Variants in DMD observed in about 807,000 individuals in gnomAD.
DMD encodes mutant dystrophin.
A neutral mutation model predicts 330.1 loss-of-function variants in DMD; 63 were observed. The ratio of observed to expected loss-of-function variants is 0.19; its 90% confidence interval spans 0.16 to 0.24. DMD has a LOEUF of 0.24. DMD is among the 10% of genes least tolerant of loss of function. The pLI is 1.00. For missense variants in DMD, 3,344 were observed against 2,684.1 expected (o/e 1.25, Z -5.43); for synonymous variants, 1,223 against 959.8 (o/e 1.27, Z -5.07).
chrX:32,899,118 A>T (rs1183479464), intron 2 of DMD, among the ~76,000 whole-genome samples: 2 of 112,158 alleles, frequency 1.8e-5, no homozygotes, highest in Non-Finnish European at 3.8e-5. Flanking sequence ...ACATTCTGAC[A>T]TGGACACTGC....
At chrX:32,214,203 GCCTGAAACA>G (rs1324692260) in intron 44 of DMD, among the ~76,000 whole-genome samples, 3 of 95,416 alleles carry the variant, frequency 3.1e-5, no homozygotes, top group African/African-American at 1.2e-4. Flanking sequence ...TTAATCTCCT[GCCTGAAACA>G]CCTGAAACAC....
At chrX:31,382,500 C>T (rs2060232348) in intron 60 of DMD, among the ~76,000 whole-genome samples, 1 of 111,893 alleles carries the variant, frequency 8.9e-6, no homozygotes, top group African/African-American at 3.3e-5. Flanking sequence ...CCCCAAACCA[C>T]CACTCTTAAC....
At chrX:31,406,909 C>T (rs144121998) in intron 60 of DMD, among the ~76,000 whole-genome samples, 2,490 of 111,476 alleles carry the variant, frequency 0.022, 82 homozygotes, top group African/African-American at 0.077. Flanking sequence ...ACATTTAAGG[C>T]ACCCTAATCC....
Position 32,485,097 on chromosome X carries a change from A to C in DMD, c.2625T>G (p.Asp875Glu). Residue 875 changes from aspartate to glutamate, a missense_variant and splice_region_variant, in exon 21 of 79, where the codon GAT (aspartate) becomes GAG (glutamate). Asp to Glu is a conservative substitution (Grantham distance 45). Transcript: ENST00000357033. ...GAAGATCTGATAGCCGGTTGACTTC[A>C]TCCTGTGCCATAGAGTATGGAAAGT... ...AIKSQLKICKDEVNRLSDLQP... is the reference protein window; with the variant it reads ...AIKSQLKICKEEVNRLSDLQP... 8.3e-7 allele frequency: 1 copy of C among 1,207,030 alleles called. No individual in the cohort carries two copies. Among genetic ancestry groups the C allele is most frequent in the African/African-American group, 1.7e-5 (1 of 57,694 alleles).
chrX:31,383,686 G>A (rs748247484), intron 60 of DMD, among the ~76,000 whole-genome samples: 65 of 111,816 alleles, frequency 5.8e-4, no homozygotes, highest in African/African-American at 1.9e-3. Context: ...AGGCTCAGCC[G>A]GCACAGAGGA....
intron 30 of DMD, among the ~76,000 whole-genome samples, chrX:32,393,039 C>T (rs912272525): frequency 8.9e-5 from 10 of 112,219 alleles, no homozygotes; most frequent in African/African-American, 3.2e-4. Flanking sequence ...TCTCAACACG[C>T]AAAACCATTA....
chrX:32,750,245 T>A (rs2070638040), intron 7 of DMD, among the ~76,000 whole-genome samples: 1 of 111,992 alleles, frequency 8.9e-6, no homozygotes, highest in African/African-American at 3.2e-5. Flanking sequence ...ATCATGTCTA[T>A]CATTTTCAAA....
chrX:32,393,411 T>C (rs928663467), intron 30 of DMD, among the ~76,000 whole-genome samples: 10 of 111,703 alleles, frequency 9.0e-5, no homozygotes, highest in African/African-American at 3.2e-4. Flanking sequence ...CCCAAATGAA[T>C]GGTTACCACT....
intron 44 of DMD, among the ~76,000 whole-genome samples, chrX:32,139,356 G>T (rs1003337950): frequency 1.8e-5 from 2 of 112,234 alleles, no homozygotes; most frequent in Non-Finnish European, 3.8e-5. Flanking sequence ...ATTATAGTTA[G>T]GGAGGGAAAC....
intron 17 of DMD, among the ~76,000 whole-genome samples, chrX:32,526,282 G>A (rs901960018): frequency 8.9e-6 from 1 of 111,824 alleles, no homozygotes; most frequent in African/African-American, 3.2e-5. Context: ...TATTCTTCAA[G>A]TATATCTTAA....
At chrX:31,169,712 T>A in intron 73 of DMD, 111 bp from the exon 74 acceptor site, 2 of 728,299 alleles carry the variant, frequency 2.7e-6, no homozygotes, top group Non-Finnish European at 4.2e-6. Context: ...TCTTAACAAT[T>A]AATTAGACCT....
At chrX:32,862,867 G>A (rs1346214686) in intron 2 of DMD, among the ~76,000 whole-genome samples, 1 of 110,543 alleles carries the variant, frequency 9.0e-6, no homozygotes, top group Admixed American at 9.7e-5. Context: ...GTCCCTAGTA[G>A]CTGGGATTAC....
At chrX:32,075,112 G>A (rs945717669) in intron 44 of DMD, among the ~76,000 whole-genome samples, 1 of 111,905 alleles carries the variant, frequency 8.9e-6, no homozygotes, top group Non-Finnish European at 1.9e-5. Context: ...GAGAAACATA[G>A]TTCCAGAGAG....
chrX:32,514,264 G>T (rs1275460825), intron 18 of DMD, among the ~76,000 whole-genome samples: 1 of 108,286 alleles, frequency 9.2e-6, no homozygotes, highest in Non-Finnish European at 1.9e-5. Flanking sequence ...GATACTATGA[G>T]CACAAATACC....
intron 49 of DMD, among the ~76,000 whole-genome samples, chrX:31,824,641 T>C (rs1231710908): frequency 9.0e-6 from 1 of 111,386 alleles, no homozygotes; most frequent in Non-Finnish European, 1.9e-5. Flanking sequence ...ATTTAAAATA[T>C]ACTTATAAAT....
At chrX:32,308,573 G>C (rs914302616) in intron 42 of DMD, among the ~76,000 whole-genome samples, 3 of 110,916 alleles carry the variant, frequency 2.7e-5, no homozygotes, top group African/African-American at 9.8e-5. Context: ...GTATCTTATG[G>C]GGATTCAACC....
At chrX:32,443,022 G>T (rs745936407) in intron 27 of DMD, among the ~76,000 whole-genome samples, 3 of 110,663 alleles carry the variant, frequency 2.7e-5, no homozygotes, top group African/African-American at 9.8e-5. Context: ...GTCTATTGGG[G>T]AAAAGATAGG....
intron 55 of DMD, among the ~76,000 whole-genome samples, chrX:31,528,775 G>C (rs1446193745): frequency 2.7e-5 from 3 of 110,719 alleles, no homozygotes; most frequent in East Asian, 5.7e-4. Flanking sequence ...CATGTAATTA[G>C]GGTGATCCTA....
At chrX:33,130,587 T>C (rs1414525177) in intron 1 of DMD, among the ~76,000 whole-genome samples, 1 of 108,899 alleles carries the variant, frequency 9.2e-6, no homozygotes, top group Non-Finnish European at 1.9e-5. Flanking sequence ...GGAGTTTTGC[T>C]CTTGTTGCCC....
Sources: gnomAD v4.1 joint callset for allele counts (sites outside exome capture counted in the v4.1 genomes callset) on GRCh38, gnomAD v4.1.1 for gene constraint, MANE v1.5 for transcripts, NCBI Gene and HGNC (gene_info 2026-07-23, HGNC 2026-07-21) for gene names.